The following KCNAB1 variants were observed in gnomAD, a reference collection of about 807,000 sequenced individuals.
KCNAB1 encodes potassium voltage-gated channel subfamily A regulatory beta subunit 1.
In KCNAB1, 35 loss-of-function variants were observed where a neutral mutation model predicts 64.6. The ratio of observed to expected loss-of-function variants is 0.54; its 90% confidence interval spans 0.41 to 0.72. KCNAB1 has a LOEUF of 0.72. Among genes scored for constraint, KCNAB1 ranks in the 30% least tolerant of loss-of-function variants. The pLI is 0.00. For synonymous variants in KCNAB1, 177 were observed against 183.8 expected, an observed-to-expected ratio of 0.96 and a Z score of 0.30; for missense variants, 401 against 512.9, an observed-to-expected ratio of 0.78 and a Z score of 2.11.
At chr3:156,347,569 GA>G (rs1173092795) in intron 1 of KCNAB1, among the ~76,000 whole-genome samples, 1 of 149,222 alleles carries the variant, frequency 6.7e-6, no homozygotes, top group Admixed American at 6.6e-5. Flanking sequence ...ATTTTATTCA[GA>G]AATGTGCCCA....
At chr3:156,284,927 C>T (rs551739322) in intron 1 of KCNAB1, among the ~76,000 whole-genome samples, 28 of 152,198 alleles carry the variant, frequency 1.8e-4, no homozygotes, top group Admixed American at 5.9e-4. Flanking sequence ...CACCCGTCTT[C>T]GTCGCTCTTG....
chr3:156,453,072 G>A, intron 3 of KCNAB1, 136 bp downstream of exon 3: 1 of 547,970 alleles, frequency 1.8e-6, no homozygotes. Context: ...AATTGACTCA[G>A]AGATTATTGT....
intron 1 of KCNAB1, among the ~76,000 whole-genome samples, chr3:156,134,733 A>G (rs1253683414): frequency 6.6e-6 from 1 of 152,220 alleles, no homozygotes; most frequent in East Asian, 1.9e-4. Context: ...CAAAATGTTG[A>G]TGGGATGCTT....
At chr3:156,399,880 C>T (rs1475478971) in intron 1 of KCNAB1, among the ~76,000 whole-genome samples, 1 of 152,210 alleles carries the variant, frequency 6.6e-6, no homozygotes, top group Non-Finnish European at 1.5e-5. Flanking sequence ...ACCGCACCAC[C>T]TTCTCCACCA....
chr3:156,370,053 T>C (rs1308405429), intron 1 of KCNAB1, among the ~76,000 whole-genome samples: 4 of 152,224 alleles, frequency 2.6e-5, no homozygotes, highest in Admixed American at 2.0e-4. Flanking sequence ...ATGCTTTCAC[T>C]TTCCACCCTC....
chr3:156,118,684 C>A (rs889298975), upstream of KCNAB1, among the ~76,000 whole-genome samples: 1 of 152,206 alleles, frequency 6.6e-6, no homozygotes, highest in African/African-American at 2.4e-5. Context: ...CAGAGCAGAG[C>A]TCTTAAACAC....
chr3:156,358,580 G>T (rs9823622), intron 1 of KCNAB1, among the ~76,000 whole-genome samples: 18,386 of 152,126 alleles, frequency 0.12, 2,965 homozygotes, highest in African/African-American at 0.37. Context: ...TTTGGGAAAG[G>T]GTAGAGGTTT....
chr3:156,439,496 C>T (rs1352823027), intron 2 of KCNAB1, among the ~76,000 whole-genome samples: 3 of 152,220 alleles, frequency 2.0e-5, no homozygotes, highest in African/African-American at 7.2e-5. Context: ...ACAAGACAGA[C>T]AGCCCTGTCC....
intron 1 of KCNAB1, among the ~76,000 whole-genome samples, chr3:156,311,397 A>G (rs1036307370): frequency 1.3e-5 from 2 of 152,204 alleles, no homozygotes; most frequent in African/African-American, 2.4e-5. Flanking sequence ...AAAGGCAAAG[A>G]TGAATTTTGA....
intron 1 of KCNAB1, among the ~76,000 whole-genome samples, chr3:156,209,538 T>C (rs560120933): frequency 6.6e-6 from 1 of 152,336 alleles, no homozygotes; most frequent in East Asian, 1.9e-4. Context: ...AGACAGGTGT[T>C]ATGGCTTTGA....
chr3:156,488,432 G>C (rs1044543767), intron 8 of KCNAB1, among the ~76,000 whole-genome samples: 13 of 152,200 alleles, frequency 8.5e-5, no homozygotes, highest in Middle Eastern at 3.4e-3. Context: ...GAGATAAGGA[G>C]ACTACTTCTG....
chr3:156,496,327 A>G (rs1716007994), intron 8 of KCNAB1, among the ~76,000 whole-genome samples: 1 of 152,168 alleles, frequency 6.6e-6, no homozygotes, highest in South Asian at 2.1e-4. Flanking sequence ...GTGGGAGGTG[A>G]TTGAATCACA....
At chr3:156,306,098 G>A (rs1198919961) in intron 1 of KCNAB1, among the ~76,000 whole-genome samples, 1 of 152,198 alleles carries the variant, frequency 6.6e-6, no homozygotes, top group Non-Finnish European at 1.5e-5. Context: ...GCTATACAGT[G>A]GGGGCAAGTT....
chr3:156,276,498 T>C (rs953557214), intron 1 of KCNAB1, among the ~76,000 whole-genome samples: 1 of 152,224 alleles, frequency 6.6e-6, no homozygotes, highest in Non-Finnish European at 1.5e-5. Context: ...ATGAAAGTCC[T>C]AGATGGCATC....
At chr3:156,342,585 C>CTTTTTT (rs60982892) in intron 1 of KCNAB1, among the ~76,000 whole-genome samples, 3 of 86,254 alleles carry the variant, frequency 3.5e-5, no homozygotes, top group Non-Finnish European at 5.1e-5. Context: ...CTATGTGTTT[C>CTTTTTT]TTTTTTTTTT....
intron 1 of KCNAB1, among the ~76,000 whole-genome samples, chr3:156,254,461 A>G (rs1453035013): frequency 1.3e-5 from 2 of 152,232 alleles, no homozygotes; most frequent in Admixed American, 6.5e-5. Context: ...ATGCTAAGAC[A>G]AAGAGGGCCC....
At chr3:156,348,022 G>A (rs1160437735) in intron 1 of KCNAB1, among the ~76,000 whole-genome samples, 3 of 152,114 alleles carry the variant, frequency 2.0e-5, no homozygotes, top group Non-Finnish European at 2.9e-5. Context: ...GACACACAGG[G>A]CCCCTTTCTG....
intron 1 of KCNAB1, among the ~76,000 whole-genome samples, chr3:156,184,931 G>A (rs150662991): frequency 0.017 from 2,604 of 152,248 alleles, 47 homozygotes; most frequent in South Asian, 0.03. Context: ...CAATACTGAT[G>A]GAGACCAACT....
intron 1 of KCNAB1, among the ~76,000 whole-genome samples, chr3:156,137,227 G>A (rs1199692576): frequency 4.0e-5 from 6 of 151,336 alleles, no homozygotes; most frequent in Admixed American, 6.6e-5. Context: ...CATTGGTGGG[G>A]GGGGATTGTT....
Sources: allele counts gnomAD v4.1 joint callset (sites outside exome capture counted in the v4.1 genomes callset), GRCh38; gene constraint gnomAD v4.1.1; transcripts MANE v1.5; gene names NCBI Gene and HGNC (gene_info 2026-07-23, HGNC 2026-07-21).